SORCS2: variants seen among roughly 807,000 people sequenced by gnomAD.
SORCS2 encodes the protein sortilin related VPS10 domain containing receptor 2.
SORCS2 carries 100 observed loss-of-function variants against 141.6 expected under a neutral mutation model. That is an observed-to-expected ratio of 0.71 (90% CI 0.60 to 0.83). SORCS2 has a LOEUF of 0.83. Among genes scored for constraint, SORCS2 ranks in the 40% least tolerant of loss-of-function variants. SORCS2 has a pLI of 0.00. For missense variants in SORCS2, 1,646 were observed against 1,560.2 expected, an observed-to-expected ratio of 1.05 and a Z score of -0.93; for synonymous variants, 789 against 676.9, an observed-to-expected ratio of 1.17 and a Z score of -2.57.
intron 1 of SORCS2, among the ~76,000 whole-genome samples, chr4:7,311,493 C>T (rs949693928): frequency 6.6e-6 from 1 of 152,224 alleles, no homozygotes; most frequent in Non-Finnish European, 1.5e-5. Flanking sequence ...GACTGCCAGA[C>T]TTACCCTTTT....
chr4:7,277,335 C>T (rs140887893), intron 1 of SORCS2, among the ~76,000 whole-genome samples: 33 of 152,298 alleles, frequency 2.2e-4, no homozygotes, highest in African/African-American at 7.7e-4. Context: ...ATCCCCAGCT[C>T]GCTGAGCGGG....
At chr4:7,577,676 G>GGCGAA (rs1715849590) in intron 3 of SORCS2, among the ~76,000 whole-genome samples, 1 of 147,490 alleles carries the variant, frequency 6.8e-6, no homozygotes, top group African/African-American at 2.5e-5. Flanking sequence ...ATAGCATACA[G>GGCGAA]GTGAGGTCAG....
chr4:7,740,156 C>T (rs995279475), intron 26 of SORCS2, 44 bp from the exon 27 acceptor site: 1 of 1,558,482 alleles, frequency 6.4e-7, no homozygotes, highest in Non-Finnish European at 8.7e-7. Flanking sequence ...TGTCTCCAGT[C>T]CCGGGCTTGT....
chr4:7,737,029 A>C, intron 25 of SORCS2, 40 bp from the exon 26 acceptor site: 1 of 1,548,546 alleles, frequency 6.5e-7, no homozygotes, highest in Non-Finnish European at 8.7e-7. Context: ...CGGCCTGGGA[A>C]GCCCCTCCAA....
intron 1 of SORCS2, among the ~76,000 whole-genome samples, chr4:7,373,479 T>A (rs28878618): frequency 6.4e-5 from 1 of 15,524 alleles, no homozygotes; most frequent in African/African-American, 1.6e-4. Context: ...TATATATATA[T>A]TTTTTTTTTT....
intron 3 of SORCS2, among the ~76,000 whole-genome samples, chr4:7,564,248 C>T (rs1056364682): frequency 7.2e-5 from 11 of 152,236 alleles, no homozygotes; most frequent in Non-Finnish European, 1.6e-4. Flanking sequence ...TTCATATTCT[C>T]TCTACTTCTC....
chr4:7,196,159 C>T (rs895750674), intron 1 of SORCS2, among the ~76,000 whole-genome samples: 1 of 152,212 alleles, frequency 6.6e-6, no homozygotes, highest in African/African-American at 2.4e-5. Flanking sequence ...ACACCGCCTC[C>T]CTGTCTGACG....
intron 19 of SORCS2, among the ~76,000 whole-genome samples, chr4:7,724,757 G>A (rs1398603283): frequency 8.1e-6 from 1 of 123,646 alleles, no homozygotes; most frequent in African/African-American, 3.6e-5. Context: ...GATGGTGGTG[G>A]TGTTGGTGAT....
chr4:7,303,440 GCCCCT>G (rs1717574894), intron 1 of SORCS2, among the ~76,000 whole-genome samples: 1 of 152,098 alleles, frequency 6.6e-6, no homozygotes, highest in South Asian at 2.1e-4. Flanking sequence ...ATTCCTCTAT[GCCCCT>G]TTTTAGTTCT....
At chr4:7,460,964 C>G (rs1055879649) in intron 2 of SORCS2, among the ~76,000 whole-genome samples, 2 of 152,076 alleles carry the variant, frequency 1.3e-5, no homozygotes, top group African/African-American at 4.8e-5. Flanking sequence ...TTCATTTCTC[C>G]CCCCTCTCTT....
intron 3 of SORCS2, among the ~76,000 whole-genome samples, chr4:7,636,457 C>T (rs762950967): frequency 9.9e-5 from 15 of 152,158 alleles, no homozygotes; most frequent in Non-Finnish European, 1.6e-4. Context: ...GGTGCACACT[C>T]AGTCTCTGGG....
intron 2 of SORCS2, among the ~76,000 whole-genome samples, chr4:7,498,330 A>G (rs1156245914): frequency 6.6e-6 from 1 of 152,208 alleles, no homozygotes; most frequent in Non-Finnish European, 1.5e-5. Flanking sequence ...GCTACGGGTA[A>G]AGGGGAGGCC....
At chr4:7,451,403 G>C (rs1379453440) in intron 2 of SORCS2, among the ~76,000 whole-genome samples, 1 of 152,250 alleles carries the variant, frequency 6.6e-6, no homozygotes, top group African/African-American at 2.4e-5. Flanking sequence ...GATGAGAAAT[G>C]GTTTCCAGAT....
rs1404279433 is a variant in SORCS2 at position 7,257,348 on chromosome 4, A to G, written c.480+64222A>G. Among the ~76,000 whole-genome samples, 6 of 44,656 alleles carry G rather than the reference A, an allele frequency of 1.3e-4. No individual in the cohort carries two copies. In the Admixed American group the frequency reaches 1.4e-3, roughly 11 times the overall value. The allele number at this position is 44,656 out of a possible 152,430, so 29.3% of individuals were successfully genotyped here. A position where few individuals can be genotyped will look rare whatever the true frequency, so the allele number is the denominator to read the frequency against. On this transcript the variant is annotated intron_variant, in intron 1 of 26. Transcript: ENST00000507866. ...CACCGACCTTGGGGAAGGCTGTGTG[A>G]GGGCAGGGAGACCCAGGCCTGGGGG...
intron 1 of SORCS2, among the ~76,000 whole-genome samples, chr4:7,242,154 G>A (rs894169995): frequency 5.3e-5 from 8 of 152,164 alleles, no homozygotes; most frequent in Non-Finnish European, 1.0e-4. Flanking sequence ...AAGCGGCTGC[G>A]TGAGAGTCAC....
intron 3 of SORCS2, among the ~76,000 whole-genome samples, chr4:7,583,976 C>G (rs1390451662): frequency 6.6e-6 from 1 of 152,192 alleles, no homozygotes; most frequent in Non-Finnish European, 1.5e-5. Context: ...TCTCAATTTC[C>G]TCATCTGTAA....
chr4:7,348,413 T>C lies in SORCS2; in HGVS notation c.481-47875T>C, dbSNP rs2109001050. Among the ~76,000 whole-genome samples, 3 of 152,340 alleles carry C rather than the reference T, an allele frequency of 2.0e-5. No individual in the cohort carries two copies. In the South Asian group the frequency reaches 6.2e-4, roughly 32 times the overall value. On this transcript the variant is annotated intron_variant, in intron 1 of 26. Coordinates refer to ENST00000507866, the MANE Select transcript of SORCS2 (RefSeq NM_020777.3). ...AGAGGCTCTTTCTTGTGGCATGCAT[T>C]TGTTCACCTGCTTCCCCACAATGGC... is the stretch of plus-strand genomic sequence containing the variant.
chr4:7,729,639 C>G lies in SORCS2; in HGVS notation c.3035C>G (p.Pro1012Arg), dbSNP rs1711519919. ...GTGACTGTGGTGAAGCCGGGGCTGC[C>G]CACTTTGGCCGATCTGTACGTGCTC... The part of the protein sequence containing the change: ...LLVTVVKPGL[P>R]TLADLYVLLP... Residue 1012 changes from proline (P) to arginine (R), a missense_variant, in exon 23 of 27, where the codon CCC (proline) becomes CGC (arginine). By Grantham distance (103) the Pro-to-Arg change is moderately radical. Transcript: ENST00000507866. 5.0e-6 allele frequency: 8 copies of G among 1,600,326 alleles called. No homozygotes were observed. Among genetic ancestry groups the G allele is most frequent in the Non-Finnish European group, 6.8e-6 (8 of 1,173,762 alleles).
chr4:7,373,478 A>ATATATATATTTTTTT (rs1470691140), intron 1 of SORCS2, among the ~76,000 whole-genome samples: 1 of 36,818 alleles, frequency 2.7e-5, no homozygotes, highest in Non-Finnish European at 4.1e-5. Flanking sequence ...ATATATATAT[A>ATATATATATTTTTTT]TTTTTTTTTT....
Sources: allele counts gnomAD v4.1 joint callset (sites outside exome capture counted in the v4.1 genomes callset), GRCh38; gene constraint gnomAD v4.1.1; transcripts MANE v1.5; gene names NCBI Gene and HGNC (gene_info 2026-07-23, HGNC 2026-07-21).